The following MIDN variants were observed in gnomAD, a reference collection of about 807,000 sequenced individuals.
MIDN encodes the protein midbrain nucleolar protein.
Under a neutral mutation model 46.1 loss-of-function variants are expected in MIDN, and 26 were observed. The observed-to-expected ratio is 0.56, with a 90% confidence interval of 0.41 to 0.78. The LOEUF (loss-of-function observed/expected upper bound fraction) is 0.78, where lower values mean the gene tolerates loss of function less well. MIDN is among the 30% of genes least tolerant of loss of function. The pLI is 0.00. For synonymous variants in MIDN, 432 were observed against 343.3 expected (o/e 1.26, Z -2.86); for missense variants, 850 against 771.8 (o/e 1.10, Z -1.20).
intron 1 of MIDN, among the ~76,000 whole-genome samples, chr19:1,249,199 G>A (rs1425587049): frequency 6.8e-6 from 1 of 148,124 alleles, no homozygotes; most frequent in Non-Finnish European, 1.5e-5. Context: ...CCCGCGGCCG[G>A]CGGGTGGGCG....
rs1332662579 is a variant in MIDN at position 1,251,542 on chromosome 19, C to T, written c.234-20C>T. 1.2e-6 allele frequency: 2 copies of T among 1,606,048 alleles called. No homozygotes were observed. The highest frequency in any genetic ancestry group is 2.2e-5 in the East Asian group (1 of 44,746). ...TGTGTCGTCTCCGCGGAGTCTCATG[C>T]TCTTCCTTCCTCCCCCCAGCCGGCT... is the stretch of plus-strand genomic sequence containing the variant. On this transcript the variant is annotated intron_variant, in intron 2 of 8. Coordinates refer to ENST00000682408, the MANE Select transcript of MIDN (RefSeq NM_001388306.1).
rs1201456461 is a variant in MIDN, at chr19:1,255,462, G to A, written c.1026G>A (p.Pro342=). ...ACTGCCAAGACAGCAGCGGGCGGCC[G>A]CGGCGTGACATCGGCACCATCCTGC... The part of the protein sequence containing the change: ...HPNCQDSSGR[P]RRDIGTILQI... Residue 342 remains proline (P), a synonymous_variant, in exon 8 of 9, where the codon CCG becomes CCA. Coordinates refer to ENST00000682408, the MANE Select transcript of MIDN (RefSeq NM_001388306.1). 10 of 1,605,412 alleles carry A rather than the reference G, an allele frequency of 6.2e-6. No individual in the cohort carries two copies. In the East Asian group the frequency reaches 9.0e-5, roughly 14 times the overall value.
chr19:1,256,465 G>C (rs112832462), intron 8 of MIDN, among the ~76,000 whole-genome samples: 1 of 146,662 alleles, frequency 6.8e-6, no homozygotes, highest in Admixed American at 6.9e-5. Flanking sequence ...CTGGGCGACA[G>C]AGCGAGACTC....
chr19:1,253,067 A>G lies in MIDN; in HGVS notation c.385-887A>G, dbSNP rs370621691. Among the ~76,000 whole-genome samples the G allele has an allele frequency of 3.4e-4, 51 of 151,380 alleles. 1 individual carries two copies. In the East Asian group the frequency reaches 6.6e-3, roughly 20 times the overall value. ...GCTGGAGGGGGTGCTGGGCGGAGAC[A>G]CTGGGCTCCCCAGGGTTGCTTCCCT... On this transcript the variant is annotated intron_variant, in intron 4 of 8. Coordinates refer to ENST00000682408, the MANE Select transcript of MIDN (RefSeq NM_001388306.1).
chr19:1,254,450 C>T lies in MIDN; in HGVS notation c.797C>T (p.Ser266Phe). The T allele has an allele frequency of 6.4e-7, 1 of 1,562,580 alleles. No homozygotes were observed. The highest frequency in any genetic ancestry group is 8.6e-7 in the Non-Finnish European group (1 of 1,161,196). The stretch of plus-strand genomic sequence containing the variant: ...CCCATCACAGCCGGCTCCTTCCGGT[C>T]CCACGCAGCCTCCACCACCTGCCCG... ...PSPITAGSFR[S>F]HAASTTCPEQ... is the part of the protein sequence containing the mutation. The change falls in exon 6 of 9, where the codon TCC (serine) becomes TTC (phenylalanine). Residue 266 changes from serine (S) to phenylalanine (F), a missense_variant. Physicochemically the swap from Ser to Phe is radical, Grantham distance 155. Transcript: ENST00000682408.
At chr19:1,256,899 T>G in intron 8 of MIDN, 96 bp from the exon 9 acceptor site, 1 of 1,551,728 alleles carries the variant, frequency 6.4e-7, no homozygotes, top group Non-Finnish European at 8.7e-7. Context: ...GGCAGGACTG[T>G]GTCTGACCTC....
Position 1,254,498 on chromosome 19 carries a change from G to T in MIDN, c.825+20G>T. 1 of 1,540,812 alleles carries T rather than the reference G, an allele frequency of 6.5e-7. No homozygotes were observed. Among genetic ancestry groups the T allele is most frequent in the Non-Finnish European group, 8.7e-7 (1 of 1,149,412 alleles). ...CCGGAGGTGAGCCTGGGGAAGGGAA[G>T]GGTGACCCTTGGTTGGAATCCAAAG... On this transcript the variant is annotated intron_variant, in intron 6 of 8. Transcript: ENST00000682408.
chr19:1,254,270 T>G lies in MIDN; in HGVS notation c.617T>G (p.Leu206Arg), dbSNP rs1302167084. ...QLQLAAQHAP[L>R]QHRHVLAAAA... ...CAGCTCGCGGCCCAGCACGCTCCAC[T>G]GCAACACCGCCATGTGCTGGCCGCT... Residue 206 changes from leucine to arginine, a missense_variant, in exon 6 of 9, where the codon CTG (leucine) becomes CGG (arginine). Leu to Arg is a moderately radical substitution (Grantham distance 102). Transcript: ENST00000682408. 1.3e-6 allele frequency: 2 copies of G among 1,585,794 alleles called. No individual in the cohort carries two copies. Among genetic ancestry groups the G allele is most frequent in the Non-Finnish European group, 1.7e-6 (2 of 1,173,042 alleles).
chr19:1,256,040 G>C (rs889920527), intron 8 of MIDN, among the ~76,000 whole-genome samples: 1 of 152,230 alleles, frequency 6.6e-6, no homozygotes, highest in Non-Finnish European at 1.5e-5. Flanking sequence ...TCAGTGACTT[G>C]GAAAAGCAGC....
chr19:1,251,758 C>A, intron 3 of MIDN, 81 bp from the exon 4 acceptor site: 1 of 1,520,926 alleles, frequency 6.6e-7, no homozygotes, highest in African/African-American at 1.4e-5. Flanking sequence ...ACCCCGCCAG[C>A]CAGCAGGGCC....
rs1361845167 is a variant in MIDN, at chr19:1,250,255, T to C, written c.-42T>C. On this transcript the variant is annotated 5_prime_UTR_variant, in exon 2 of 9. Coordinates refer to ENST00000682408, the MANE Select transcript of MIDN (RefSeq NM_001388306.1). ...CCTGTCCCGGAGGCGCGGCGAGGAT[T>C]GGCGGCGCCCGCCGCCCCCAGCCCC... 1.2e-6 allele frequency: 1 copy of C among 862,966 alleles called. No individual in the cohort carries two copies. Among genetic ancestry groups the C allele is most frequent in the Non-Finnish European group, 1.4e-6 (1 of 719,042 alleles). 53.5% of individuals were successfully genotyped at this position (862,966 alleles called of 1,614,324 possible).
chr19:1,254,620 G>C, intron 6 of MIDN, 142 bp downstream of exon 6: 1 of 940,018 alleles, frequency 1.1e-6, no homozygotes, highest in Non-Finnish European at 1.6e-6. Flanking sequence ...CGGGCTGGTG[G>C]GTGATCCCCC....
At chr19:1,254,535 C>T in intron 6 of MIDN, 57 bp downstream of exon 6, 2 of 1,514,562 alleles carry the variant, frequency 1.3e-6, no homozygotes, top group Non-Finnish European at 1.8e-6. Flanking sequence ...GTGGGCCGTC[C>T]TGGGGAGGTC....
chr19:1,254,384 T>TC lies in MIDN; in HGVS notation c.737dup (p.Val247GlyfsTer99). 1 of 1,560,134 alleles carries TC rather than the reference T, an allele frequency of 6.4e-7. No homozygotes were observed. ...CGGCCGGTGTCCAGTGCCGCCCGAG[T>TC]CCCCCCGGTGCCCACCAGCCCGTCC... On this transcript the variant is annotated frameshift_variant, in exon 6 of 9. Transcript: ENST00000682408. LOFTEE classifies it high-confidence loss of function.
chr19:1,256,853 C>G lies in MIDN; in HGVS notation c.1259-142C>G, dbSNP rs1486334577. 1.1e-5 allele frequency: 14 copies of G among 1,270,466 alleles called. No homozygotes were observed. In the Admixed American group the frequency reaches 3.4e-4, roughly 31 times the overall value. 78.7% of individuals were successfully genotyped at this position (1,270,466 alleles called of 1,614,324 possible). ...CACTGTGCCCGGCATGGTGGATGTC[C>G]TTGACTGTTTCCTTTGCTGACCTCC... On this transcript the variant is annotated intron_variant, in intron 8 of 8. Coordinates refer to ENST00000682408, the MANE Select transcript of MIDN (RefSeq NM_001388306.1).
At chr19:1,256,460 C>T (rs1458137374) in intron 8 of MIDN, among the ~76,000 whole-genome samples, 2 of 146,654 alleles carry the variant, frequency 1.4e-5, no homozygotes, top group African/African-American at 2.5e-5. Context: ...CCAGCCTGGG[C>T]GACAGAGCGA....
intron 4 of MIDN, among the ~76,000 whole-genome samples, chr19:1,252,927 T>C (rs898163562): frequency 6.7e-6 from 1 of 150,224 alleles, no homozygotes; most frequent in African/African-American, 2.5e-5. Flanking sequence ...CTGGGGCGAG[T>C]GTGAGCAGAG....
intron 4 of MIDN, 134 bp downstream of exon 4, chr19:1,252,035 G>A (rs1333512070): frequency 5.6e-6 from 4 of 720,486 alleles, no homozygotes; most frequent in Non-Finnish European, 7.1e-6. Context: ...CCGCCTGGGT[G>A]CCAGCCTGGC....
In MIDN at chr19:1,257,045, C is replaced by A; in HGVS notation, c.1309C>A (p.Arg437=). Reference sequence around the variant, plus strand: ...CCGCGCCACGCGCTGCAAGGTGGAACGGCTGCAGCTGCTTCTGCAGCAGAA... The same window carrying A: ...CCGCGCCACGCGCTGCAAGGTGGAAAGGCTGCAGCTGCTTCTGCAGCAGAA... ...ENRATRCKVE[R]LQLLLQQKRL... The change falls in exon 9 of 9, where the codon CGG becomes AGG. Residue 437 remains arginine, a synonymous_variant. Coordinates refer to ENST00000682408, the MANE Select transcript of MIDN (RefSeq NM_001388306.1). 1 of 1,612,264 alleles carries A rather than the reference C, an allele frequency of 6.2e-7. No homozygotes were observed. The highest frequency in any genetic ancestry group is 8.5e-7 in the Non-Finnish European group (1 of 1,179,948).
Sources: gnomAD v4.1 joint callset for allele counts (sites outside exome capture counted in the v4.1 genomes callset) on GRCh38, gnomAD v4.1.1 for gene constraint, MANE v1.5 for transcripts, NCBI Gene and HGNC (gene_info 2026-07-23, HGNC 2026-07-21) for gene names.